Variants in NINJ2 observed in about 807,000 individuals in gnomAD.
NINJ2 encodes the protein ninjurin 2, also known as ninjurin-2.
Under a neutral mutation model 11.7 loss-of-function variants are expected in NINJ2, and 12 were observed. That is an observed-to-expected ratio of 1.02 (90% CI 0.66 to 1.66). The LOEUF (loss-of-function observed/expected upper bound fraction) is 1.66. Ranked by LOEUF, NINJ2 falls within the 40% of genes most tolerant of loss-of-function variation. The probability of loss-of-function intolerance (pLI) is 0.00; values close to 1 mark genes in which losing one functional copy is unlikely to be tolerated. For missense variants in NINJ2, 187 were observed against 181.8 expected, an observed-to-expected ratio of 1.03 and a Z score of -0.16; for synonymous variants, 93 against 76.8, an observed-to-expected ratio of 1.21 and a Z score of -1.10.
chr12:643,658 T>A, intron 1 of NINJ2: 1 of 988,068 alleles, frequency 1.0e-6, no homozygotes, highest in Non-Finnish European at 1.2e-6. Flanking sequence ...CAACGTTTTG[T>A]TCTTAGCGGC....
intron 1 of NINJ2, among the ~76,000 whole-genome samples, chr12:624,808 CA>C (rs11371283): frequency 3.1e-4 from 40 of 129,648 alleles, no homozygotes; most frequent in Non-Finnish European, 2.6e-4. Flanking sequence ...GACTCCATCT[CA>C]AAAAAAAAAA....
intron 1 of NINJ2, among the ~76,000 whole-genome samples, chr12:656,446 G>A (rs1046091919): frequency 8.6e-5 from 13 of 151,158 alleles, no homozygotes; most frequent in Non-Finnish European, 1.6e-4. Context: ...GACACTACCC[G>A]ACTTGAAGAA....
intron 1 of NINJ2, among the ~76,000 whole-genome samples, chr12:574,286 T>G (rs770769842): frequency 6.6e-6 from 1 of 152,128 alleles, no homozygotes; most frequent in Admixed American, 6.5e-5. Context: ...ATTGTGCCAC[T>G]GTACTCCAGC....
intron 1 of NINJ2, among the ~76,000 whole-genome samples, chr12:601,425 G>A (rs185169977): frequency 6.6e-6 from 1 of 151,808 alleles, no homozygotes; most frequent in Non-Finnish European, 1.5e-5. Flanking sequence ...GCGGGCGCCT[G>A]TAGTCCCAGC....
rs1948231992 is a variant in NINJ2, at chr12:628,252, G to A, written c.33+35076C>T. 6.6e-6 allele frequency among the ~76,000 whole-genome samples: 1 copy of A among 152,144 alleles called. No individual in the cohort carries two copies. The highest frequency in any genetic ancestry group is 2.1e-4 in the South Asian group (1 of 4,836). On this transcript the variant is annotated intron_variant, in intron 1 of 3. Transcript: ENST00000305108. This position sits in a 1 kb window ranked among gnomAD's most constrained non-coding sequence, Gnocchi z 4.4. The stretch of plus-strand genomic sequence containing the variant: ...ACCTTTCCACCAGGGAAAACTGGGT[G>A]TGGATGTTTCCCCTTCGTATGTACT...
At chr12:574,524 A>G (rs1713163063) in intron 1 of NINJ2, among the ~76,000 whole-genome samples, 2 of 147,020 alleles carry the variant, frequency 1.4e-5, no homozygotes, top group South Asian at 4.3e-4. Context: ...GCAGTGGGTC[A>G]GGTTATCTCA....
At chr12:604,594 C>T (rs1335987508) in intron 1 of NINJ2, among the ~76,000 whole-genome samples, 3 of 152,072 alleles carry the variant, frequency 2.0e-5, no homozygotes, top group African/African-American at 7.2e-5. Context: ...GCTGAGATGG[C>T]GCCACTGCTC....
intron 1 of NINJ2, among the ~76,000 whole-genome samples, chr12:616,271 C>CTTA (rs1948090403): frequency 6.6e-6 from 1 of 152,180 alleles, no homozygotes; most frequent in Admixed American, 6.5e-5. Flanking sequence ...TGGTAATGAC[C>CTTA]TTACCATTGG....
intron 1 of NINJ2, among the ~76,000 whole-genome samples, chr12:632,847 T>C (rs908912636): frequency 6.6e-6 from 1 of 152,206 alleles, no homozygotes. Flanking sequence ...GTTATAGCCC[T>C]TTCTGGAGTG....
In NINJ2 at chr12:581,741, C is replaced by G. The variant is rs747334544; in HGVS notation, c.34-15563G>C. Among the ~76,000 whole-genome samples, 5 of 152,160 alleles carry G rather than the reference C, an allele frequency of 3.3e-5. No individual in the cohort carries two copies. Among genetic ancestry groups the G allele is most frequent in the African/African-American group, 7.2e-5 (3 of 41,432 alleles). ...CTCACGCAGCTTCGGTGCTTCCCAGCTCACTCGTCTGTAGAAAGAGGAGAC... is the reference window on the plus strand; with the variant it reads ...CTCACGCAGCTTCGGTGCTTCCCAGGTCACTCGTCTGTAGAAAGAGGAGAC... On this transcript the variant is annotated intron_variant, in intron 1 of 3. Transcript: ENST00000305108. This position sits in a 1 kb window ranked among gnomAD's most constrained non-coding sequence, Gnocchi z 4.9.
At chr12:584,596 A>G (rs934959718) in intron 1 of NINJ2, among the ~76,000 whole-genome samples, 2 of 151,484 alleles carry the variant, frequency 1.3e-5, no homozygotes, top group Admixed American at 1.3e-4. Context: ...ATCTGAGATG[A>G]GGAGTTTGAG....
chr12:625,243 T>C (rs1173674799), intron 1 of NINJ2, among the ~76,000 whole-genome samples: 1 of 152,010 alleles, frequency 6.6e-6, no homozygotes, highest in Non-Finnish European at 1.5e-5. Context: ...GGAAAAGGCA[T>C]CTAGGTGGTA....
At chr12:634,494 C>T (rs187389618) in intron 1 of NINJ2, among the ~76,000 whole-genome samples, 8 of 152,048 alleles carry the variant, frequency 5.3e-5, no homozygotes, top group South Asian at 4.2e-4. Flanking sequence ...CTTCTGACCT[C>T]GTGATCCGCC....
intron 1 of NINJ2, among the ~76,000 whole-genome samples, chr12:593,835 C>T (rs1947747206): frequency 6.6e-6 from 1 of 152,124 alleles, no homozygotes; most frequent in Admixed American, 6.6e-5. Context: ...GCAGCAGCAA[C>T]AGCAGCAGCA....
At position 633,834 on chromosome 12, in the gene NINJ2, GTTTTCCAC is replaced by G. The variant is rs1948311991; in HGVS notation, c.33+29486_33+29493del. On this transcript the variant is annotated intron_variant, in intron 1 of 3. Transcript: ENST00000305108. The surrounding 1 kb of genome is among the most constrained non-coding windows in gnomAD (Gnocchi z 4.3). ...TGTAAAAAAAACAAACCACTTTAGA[GTTTTCCAC>G]TGTCTGCTAAATCAAGTACACATTC... 6.6e-6 allele frequency among the ~76,000 whole-genome samples: 1 copy of G among 152,108 alleles called. No individual in the cohort carries two copies. Among genetic ancestry groups the G allele is most frequent in the Non-Finnish European group, 1.5e-5 (1 of 68,014 alleles).
At chr12:609,807 A>C (rs921978849) in intron 1 of NINJ2, among the ~76,000 whole-genome samples, 2 of 148,988 alleles carry the variant, frequency 1.3e-5, no homozygotes, top group Admixed American at 6.7e-5. Context: ...CAACAACAGC[A>C]GCAATAGGGG....
chr12:568,933 C>T (rs977536669), intron 1 of NINJ2, among the ~76,000 whole-genome samples: 6 of 146,348 alleles, frequency 4.1e-5, no homozygotes, highest in African/African-American at 1.2e-4. Flanking sequence ...CACAACAGGC[C>T]CTGGCAAACT....
At chr12:615,504 C>T (rs1182062232) in intron 1 of NINJ2, among the ~76,000 whole-genome samples, 1 of 152,160 alleles carries the variant, frequency 6.6e-6, no homozygotes, top group Non-Finnish European at 1.5e-5. Context: ...AGGAGAATTG[C>T]TTGAACCTGG....
Position 640,527 on chromosome 12 carries a change from ATTTTG to A in NINJ2, c.33+22796_33+22800del, listed in dbSNP as rs892562979. ...TTCTTAATGGTCCTGTTTTTATTTT[ATTTTG>A]TTTTATTTTTGAGACTGAGTCTTGC... is the stretch of plus-strand genomic sequence containing the variant. On this transcript the variant is annotated intron_variant, in intron 1 of 3. Coordinates refer to ENST00000305108, the MANE Select transcript of NINJ2 (RefSeq NM_016533.6). This position sits in a 1 kb window ranked among gnomAD's most constrained non-coding sequence, Gnocchi z 4.0. Among the ~76,000 whole-genome samples the A allele has an allele frequency of 6.6e-6, 1 of 151,688 alleles. No individual in the cohort carries two copies. The highest frequency in any genetic ancestry group is 1.5e-5 in the Non-Finnish European group (1 of 67,912).
Sources: gnomAD v4.1 joint callset for allele counts (sites outside exome capture counted in the v4.1 genomes callset) on GRCh38, gnomAD v4.1.1 for gene constraint, Gnocchi (gnomAD v3.1) non-coding constraint, MANE v1.5 for transcripts, NCBI Gene and HGNC (gene_info 2026-07-23, HGNC 2026-07-21) for gene names.